The following TRAPPC8 variants were observed in gnomAD, a reference collection of about 807,000 sequenced individuals.
TRAPPC8 encodes the protein trafficking protein particle complex subunit 8, also known as general sporulation gene 1 homolog.
Under a neutral mutation model 174.3 loss-of-function variants are expected in TRAPPC8, and 54 were observed. The ratio of observed to expected loss-of-function variants is 0.31; its 90% CI spans 0.25 to 0.39. TRAPPC8 has a LOEUF of 0.39. Among genes scored for constraint, TRAPPC8 ranks in the 10% least tolerant of loss-of-function variants. The pLI, the probability that TRAPPC8 is intolerant of heterozygous loss-of-function variation, is 1.00. For synonymous variants in TRAPPC8, 630 were observed against 579.9 expected, an observed-to-expected ratio of 1.09 and a Z score of -1.24; for missense variants, 1,531 against 1,699.1, an observed-to-expected ratio of 0.90 and a Z score of 1.74.
At chr18:31,917,085 T>C (rs915217636) in intron 3 of TRAPPC8, among the ~76,000 whole-genome samples, 2 of 151,878 alleles carry the variant, frequency 1.3e-5, no homozygotes, top group South Asian at 2.1e-4. Context: ...TCTATCTCAC[T>C]GCAGTTACAA....
chr18:31,888,248 T>C (rs1052887388), intron 12 of TRAPPC8, among the ~76,000 whole-genome samples: 3 of 152,096 alleles, frequency 2.0e-5, no homozygotes, highest in African/African-American at 7.2e-5. Flanking sequence ...TATTAAAAAG[T>C]CAAAGCTGGG....
chr18:31,849,743 T>A lies in TRAPPC8; in HGVS notation c.3562-4A>T. 1.3e-6 allele frequency: 2 copies of A among 1,578,534 alleles called. No homozygotes were observed. Among genetic ancestry groups the A allele is most frequent in the South Asian group, 2.4e-5 (2 of 84,824 alleles). On this transcript the variant is annotated splice_polypyrimidine_tract_variant and splice_region_variant and intron_variant, in intron 24 of 28. Transcript: ENST00000283351. The stretch of plus-strand genomic sequence containing the variant: ...ATGGGCTTGCTGAACTTATTATCTG[T>A]TAAAAGAAAATCACTTGTGTTCATA...
intron 2 of TRAPPC8, 116 bp downstream of exon 2, chr18:31,931,213 G>A (rs2037830365): frequency 1.1e-6 from 1 of 902,938 alleles, no homozygotes; most frequent in Admixed American, 3.3e-5. Context: ...GTATTCTCAG[G>A]CCCTAGCACT....
At chr18:31,899,195 C>G (rs2036305325) in intron 10 of TRAPPC8, among the ~76,000 whole-genome samples, 2 of 152,138 alleles carry the variant, frequency 1.3e-5, no homozygotes, top group South Asian at 4.1e-4. Flanking sequence ...ATTTTATAAA[C>G]TCCCTTAAAT....
At chr18:31,938,234 CAT>C (rs1306632395) in intron 1 of TRAPPC8, among the ~76,000 whole-genome samples, 4 of 151,942 alleles carry the variant, frequency 2.6e-5, no homozygotes, top group Non-Finnish European at 5.9e-5. Context: ...CTCTTTGAAA[CAT>C]GGCCAGTGGA....
At chr18:31,848,372 C>T (rs1250305885) in intron 25 of TRAPPC8, among the ~76,000 whole-genome samples, 2 of 152,076 alleles carry the variant, frequency 1.3e-5, no homozygotes, top group Non-Finnish European at 2.9e-5. Flanking sequence ...TACACAAAAC[C>T]TTGTCTCAGA....
chr18:31,932,074 T>C (rs998811624), intron 1 of TRAPPC8, among the ~76,000 whole-genome samples: 8 of 152,266 alleles, frequency 5.3e-5, no homozygotes, highest in South Asian at 2.1e-4. Flanking sequence ...AGAAACTCTC[T>C]GTACTTTCTG....
At chr18:31,875,155 C>T (rs1273424897) in intron 12 of TRAPPC8, among the ~76,000 whole-genome samples, 3 of 152,092 alleles carry the variant, frequency 2.0e-5, no homozygotes, top group Non-Finnish European at 4.4e-5. Flanking sequence ...AAAAAATGTT[C>T]TCATACTTTA....
intron 5 of TRAPPC8, among the ~76,000 whole-genome samples, chr18:31,912,837 A>C (rs1020841567): frequency 2.4e-4 from 37 of 152,188 alleles, no homozygotes; most frequent in African/African-American, 7.0e-4. Flanking sequence ...TCTTTTAAGA[A>C]AGAGATCAGT....
In TRAPPC8 at chr18:31,935,548, T is replaced by TGAAAAAAAAAAAAAAAA. The variant is rs745488703; in HGVS notation, c.158-4026_158-4025insTTTTTTTTTTTTTTTTC. Among the ~76,000 whole-genome samples the TGAAAAAAAAAAAAAAAA allele has an allele frequency of 4.7e-3, 218 of 46,264 alleles. 63 individuals carry two copies. Among genetic ancestry groups the TGAAAAAAAAAAAAAAAA allele is most frequent in the African/African-American group, 6.3e-3 (57 of 9,040 alleles). 30.4% of individuals were successfully genotyped at this position (46,264 alleles called of 152,430 possible). On this transcript the variant is annotated intron_variant, in intron 1 of 28. Coordinates refer to ENST00000283351, the MANE Select transcript of TRAPPC8 (RefSeq NM_014939.5). ...GGGCAACAAGAGCGAAACTCCATCT[T>TGAAAAAAAAAAAAAAAA]AAAAAAAAAAAAAAAAAAAAGCAGG...
At chr18:31,912,765 G>C (rs1216140295) in intron 5 of TRAPPC8, among the ~76,000 whole-genome samples, 1 of 152,182 alleles carries the variant, frequency 6.6e-6, no homozygotes, top group Non-Finnish European at 1.5e-5. Flanking sequence ...AGACAAGTCA[G>C]AAATTCCATT....
intron 16 of TRAPPC8, among the ~76,000 whole-genome samples, chr18:31,869,514 T>A (rs1434977428): frequency 6.6e-6 from 1 of 152,148 alleles, no homozygotes; most frequent in East Asian, 1.9e-4. Context: ...CTTCACTTCA[T>A]GCCCTGGAAT....
intron 9 of TRAPPC8, among the ~76,000 whole-genome samples, chr18:31,906,304 GAA>G (rs560619669): frequency 7.7e-5 from 7 of 91,142 alleles, no homozygotes; most frequent in Non-Finnish European, 1.2e-4. Context: ...CTGTCTCCAG[GAA>G]AAAAAAAAAA....
Position 31,904,594 on chromosome 18 carries a change from T to C in TRAPPC8, c.1389+2866A>G, listed in dbSNP as rs184398363. Among the ~76,000 whole-genome samples, 3 of 152,228 alleles carry C rather than the reference T, an allele frequency of 2.0e-5. No homozygotes were observed. In the East Asian group the frequency reaches 5.8e-4, roughly 29 times the overall value. ...ATGATTAAAGCCTTTAACCTGATAG[T>C]TCCATGAATGACAATATGAACGATA... On this transcript the variant is annotated intron_variant, in intron 9 of 28. Coordinates refer to ENST00000283351, the MANE Select transcript of TRAPPC8 (RefSeq NM_014939.5).
intron 4 of TRAPPC8, among the ~76,000 whole-genome samples, chr18:31,914,893 G>A (rs2037065573): frequency 6.6e-6 from 1 of 151,912 alleles, no homozygotes; most frequent in Non-Finnish European, 1.5e-5. Context: ...GAATATTAAA[G>A]GGAACATTAA....
chr18:31,908,839 T>C lies in TRAPPC8; in HGVS notation c.1037A>G (p.Asp346Gly), dbSNP rs559014496. Residue 346 changes from aspartate (D) to glycine (G), a missense_variant, in exon 7 of 29, where the codon GAT (aspartate) becomes GGT (glycine). By Grantham distance (94) the Asp-to-Gly change is moderately conservative. Coordinates refer to ENST00000283351, the MANE Select transcript of TRAPPC8 (RefSeq NM_014939.5). ...CTCTTGTATAAACTGTCGAATTCTA[T>C]CATGATCAGTAAGTGTTAAACATGC... ...HGACLTLTDH[D>G]RIRQFIQEFT... 13 of 1,613,836 alleles carry C rather than the reference T, an allele frequency of 8.1e-6. No homozygotes were observed. The South Asian group carries it at 1.3e-4, about 16-fold the overall frequency.
intron 2 of TRAPPC8, among the ~76,000 whole-genome samples, chr18:31,927,770 A>G (rs879493733): frequency 3.3e-5 from 5 of 152,294 alleles, no homozygotes; most frequent in Admixed American, 3.3e-4. Flanking sequence ...TATGAAAAAG[A>G]TACTTTTGGT....
In TRAPPC8 at chr18:31,852,629, A is replaced by G; in HGVS notation, c.3468T>C (p.Phe1156=). 6 of 1,614,046 alleles carry G rather than the reference A, an allele frequency of 3.7e-6. No homozygotes were observed. The South Asian group carries it at 5.5e-5, about 15-fold the overall frequency. Residue 1156 remains phenylalanine (F), a synonymous_variant, in exon 23 of 29, where the codon TTT becomes TTC. Transcript: ENST00000283351. ...TCTCACATCTTATTGCCTTAAAGCA[A>G]AACTTTCCCTTCTCCCTACTGGCAA... ...TKLASREKGK[F]CFKAIRCEKE... is the part of the protein sequence containing the mutation.
At chr18:31,924,615 A>C (rs1484939854) in intron 2 of TRAPPC8, among the ~76,000 whole-genome samples, 2 of 149,584 alleles carry the variant, frequency 1.3e-5, no homozygotes, top group South Asian at 2.1e-4. Context: ...ACAACTAATA[A>C]TACTAATTTT....
Sources: gnomAD v4.1 joint callset for allele counts (sites outside exome capture counted in the v4.1 genomes callset) on GRCh38, gnomAD v4.1.1 for gene constraint, MANE v1.5 for transcripts, NCBI Gene and HGNC (gene_info 2026-07-23, HGNC 2026-07-21) for gene names.